The following SORCS2 variants were observed in gnomAD, a reference collection of about 807,000 sequenced individuals.
SORCS2 encodes VPS10 domain-containing receptor SorCS2.
Under a neutral mutation model 141.6 loss-of-function variants are expected in SORCS2, and 100 were observed. The observed-to-expected ratio is 0.71, with a 90% confidence interval of 0.60 to 0.83. The LOEUF (loss-of-function observed/expected upper bound fraction) is 0.83. Among genes scored for constraint, SORCS2 ranks in the 40% least tolerant of loss-of-function variants. The probability of loss-of-function intolerance (pLI) is 0.00; values close to 1 mark genes in which losing one functional copy is unlikely to be tolerated. For synonymous variants in SORCS2, 789 were observed against 676.9 expected, an observed-to-expected ratio of 1.17 and a Z score of -2.57; for missense variants, 1,646 against 1,560.2, an observed-to-expected ratio of 1.05 and a Z score of -0.93.
chr4:7,531,495 G>A lies in SORCS2; in HGVS notation c.549-35G>A, dbSNP rs752054725. ...GGCTGACGAAGGCCACACTTGGAGG[G>A]TACATGGCTGACGGCTGTCCCCCTT... On this transcript the variant is annotated intron_variant, in intron 2 of 26. Transcript: ENST00000507866. 13 of 1,599,452 alleles carry A rather than the reference G, an allele frequency of 8.1e-6. No individual in the cohort carries two copies. In the East Asian group the frequency reaches 1.1e-4, roughly 14 times the overall value.
chr4:7,583,918 A>G (rs1310474083), intron 3 of SORCS2, among the ~76,000 whole-genome samples: 2 of 152,212 alleles, frequency 1.3e-5, no homozygotes, highest in African/African-American at 2.4e-5. Flanking sequence ...GGAAGACCAG[A>G]GTCCTGCCTC....
chr4:7,356,468 C>G (rs559286017), intron 1 of SORCS2, among the ~76,000 whole-genome samples: 1 of 152,210 alleles, frequency 6.6e-6, no homozygotes, highest in South Asian at 2.1e-4. Flanking sequence ...GGCGTTGGCT[C>G]AGTGTGTGAG....
chr4:7,543,349 A>G (rs1240980492), intron 3 of SORCS2, among the ~76,000 whole-genome samples: 1 of 152,000 alleles, frequency 6.6e-6, no homozygotes, highest in Non-Finnish European at 1.5e-5. Flanking sequence ...CCACTTATCC[A>G]TCCTCCCACC....
intron 1 of SORCS2, among the ~76,000 whole-genome samples, chr4:7,269,620 A>T (rs1045294570): frequency 9.9e-5 from 15 of 152,196 alleles, no homozygotes; most frequent in African/African-American, 3.6e-4. Flanking sequence ...GATCAGAGCG[A>T]TGTATCCCCA....
chr4:7,508,650 T>A (rs1484781806), intron 2 of SORCS2, among the ~76,000 whole-genome samples: 1 of 152,196 alleles, frequency 6.6e-6, no homozygotes, highest in Non-Finnish European at 1.5e-5. Flanking sequence ...AGACTCTTTA[T>A]ACTTATTTTT....
chr4:7,692,786 A>C (rs1416848803), intron 11 of SORCS2, among the ~76,000 whole-genome samples: 1 of 152,174 alleles, frequency 6.6e-6, no homozygotes, highest in African/African-American at 2.4e-5. Context: ...ACACACAGGG[A>C]GGACACTCTA....
chr4:7,461,006 G>C (rs1286326892), intron 2 of SORCS2, among the ~76,000 whole-genome samples: 1 of 152,048 alleles, frequency 6.6e-6, no homozygotes, highest in Non-Finnish European at 1.5e-5. Context: ...CTTGCCACCT[G>C]CTGCCCGGGG....
At position 7,314,735 on chromosome 4, in the gene SORCS2, T is replaced by A. The variant is rs369764159; in HGVS notation, c.481-81553T>A. Among the ~76,000 whole-genome samples the A allele has an allele frequency of 8.6e-5, 13 of 151,436 alleles. No individual in the cohort carries two copies. In the South Asian group the frequency reaches 1.3e-3, roughly 15 times the overall value. ...GGGACCAGGTCTTGTCACTTGGCTT[T>A]GCTGTGACCACGGGTGTGAAGACCC... On this transcript the variant is annotated intron_variant, in intron 1 of 26. Coordinates refer to ENST00000507866, the MANE Select transcript of SORCS2 (RefSeq NM_020777.3).
At chr4:7,353,176 C>A (rs185461744) in intron 1 of SORCS2, among the ~76,000 whole-genome samples, 1 of 152,124 alleles carries the variant, frequency 6.6e-6, no homozygotes, top group Admixed American at 6.5e-5. Flanking sequence ...GAGTGAACTG[C>A]CAGCGAGGGC....
intron 11 of SORCS2, among the ~76,000 whole-genome samples, chr4:7,693,455 G>A (rs1273157062): frequency 6.6e-6 from 1 of 152,176 alleles, no homozygotes; most frequent in Non-Finnish European, 1.5e-5. Context: ...GCCAAAGAGT[G>A]CAGAGTGTGT....
At chr4:7,654,107 C>G (rs1261467584) in intron 4 of SORCS2, 27 bp from the exon 5 acceptor site, 1 of 1,555,016 alleles carries the variant, frequency 6.4e-7, no homozygotes, top group South Asian at 1.2e-5. Context: ...CCTGACCAAG[C>G]TTTTGTTTCT....
intron 1 of SORCS2, among the ~76,000 whole-genome samples, chr4:7,215,009 C>A (rs62289676): frequency 1.8e-4 from 27 of 151,872 alleles, no homozygotes; most frequent in African/African-American, 5.8e-4. Flanking sequence ...CGTCCTCTGC[C>A]TGGGCTCCCA....
intron 2 of SORCS2, among the ~76,000 whole-genome samples, chr4:7,452,303 G>A (rs1045321994): frequency 6.6e-6 from 1 of 152,184 alleles, no homozygotes; most frequent in East Asian, 1.9e-4. Context: ...ACCATGCCTG[G>A]GTAATTTTTG....
chr4:7,282,581 C>T (rs1314591351), intron 1 of SORCS2, among the ~76,000 whole-genome samples: 2 of 152,270 alleles, frequency 1.3e-5, no homozygotes, highest in East Asian at 3.9e-4. Flanking sequence ...TCTTAGCTCC[C>T]CCACTAATCA....
At chr4:7,491,017 C>A (rs1731284650) in intron 2 of SORCS2, among the ~76,000 whole-genome samples, 1 of 152,312 alleles carries the variant, frequency 6.6e-6, no homozygotes, top group Middle Eastern at 3.4e-3. Flanking sequence ...CCCTGCCCTG[C>A]CGCCCTTCCT....
intron 25 of SORCS2, 101 bp downstream of exon 25, chr4:7,734,475 G>A: frequency 1.3e-6 from 1 of 796,004 alleles, no homozygotes; most frequent in Non-Finnish European, 1.9e-6. Flanking sequence ...CCCCAGCAGG[G>A]CCTCAGAAGG....
chr4:7,300,759 C>T lies in SORCS2; in HGVS notation c.481-95529C>T, dbSNP rs114311542. ...GGCTACCCTCCCGTGACCCTGGTCC[C>T]GCTGGCCTTCCTCATCTCCAGGCCT... On this transcript the variant is annotated intron_variant, in intron 1 of 26. Coordinates refer to ENST00000507866, the MANE Select transcript of SORCS2 (RefSeq NM_020777.3). 2.7e-3 allele frequency among the ~76,000 whole-genome samples: 413 copies of T among 152,322 alleles called. 1 individual carries two copies. The highest frequency in any genetic ancestry group is 9.3e-3 in the African/African-American group (385 of 41,568).
chr4:7,192,542 T>C lies in SORCS2; in HGVS notation c.-105T>C. 1.0e-6 allele frequency: 1 copy of C among 952,720 alleles called. No individual in the cohort carries two copies. Among genetic ancestry groups the C allele is most frequent in the Non-Finnish European group, 1.2e-6 (1 of 800,824 alleles). The allele number at this position is 952,720 out of a possible 1,614,324, so 59.0% of individuals were successfully genotyped here. ...CGCTCCCTCCCCTCGCCGGCTCCTT[T>C]CTCTGCGCTCTCGCTCGCGCTCCCC... On this transcript the variant is annotated 5_prime_UTR_variant, in exon 1 of 27. Coordinates refer to ENST00000507866, the MANE Select transcript of SORCS2 (RefSeq NM_020777.3). This position sits in a 1 kb window ranked among gnomAD's most constrained non-coding sequence, Gnocchi z 4.0.
chr4:7,679,975 A>C (rs16840795), intron 9 of SORCS2, among the ~76,000 whole-genome samples: 113,926 of 152,032 alleles, frequency 0.75, 42,963 homozygotes, highest in Middle Eastern at 0.86. Flanking sequence ...CCATCATGGG[A>C]AAATCATCCT....
Sources: allele counts gnomAD v4.1 joint callset (sites outside exome capture counted in the v4.1 genomes callset), GRCh38; gene constraint gnomAD v4.1.1; non-coding constraint Gnocchi (gnomAD v3.1); transcripts MANE v1.5; gene names NCBI Gene and HGNC (gene_info 2026-07-23, HGNC 2026-07-21).